The following RAB6A variants were observed in gnomAD, a reference collection of about 807,000 sequenced individuals.
The protein encoded by RAB6A is ras-related protein Rab-6A.
In RAB6A, 8 loss-of-function variants were observed where a neutral mutation model predicts 32.3. That is an observed-to-expected ratio of 0.25 (90% CI 0.15 to 0.45). RAB6A has a LOEUF of 0.45. Among genes scored for constraint, RAB6A ranks in the 20% least tolerant of loss-of-function variants. The pLI is 1.00. For synonymous variants in RAB6A, 73 were observed against 82.1 expected (o/e 0.89, Z 0.60); for missense variants, 104 against 249.4 (o/e 0.42, Z 3.93).
chr11:73,731,238 C>T (rs1946296519), intron 1 of RAB6A, among the ~76,000 whole-genome samples: 1 of 152,030 alleles, frequency 6.6e-6, no homozygotes, highest in African/African-American at 2.4e-5. Flanking sequence ...ACAAGAACTA[C>T]ACTGTTTTAA....
intron 5 of RAB6A, among the ~76,000 whole-genome samples, chr11:73,713,519 G>C (rs1432093594): frequency 2.0e-5 from 3 of 149,896 alleles, no homozygotes; most frequent in East Asian, 2.0e-4. Flanking sequence ...AGTGAGCCAA[G>C]ATTGCGCCAC....
intron 6 of RAB6A, among the ~76,000 whole-genome samples, chr11:73,687,815 C>A (rs1166886413): frequency 6.6e-6 from 1 of 152,086 alleles, no homozygotes; most frequent in East Asian, 1.9e-4. Flanking sequence ...CGAGATTTCA[C>A]CACTGCACTC....
At chr11:73,753,632 AC>A (rs1946702187) in intron 1 of RAB6A, among the ~76,000 whole-genome samples, 1 of 151,784 alleles carries the variant, frequency 6.6e-6, no homozygotes, top group Admixed American at 6.6e-5. Flanking sequence ...AATGGCATGA[AC>A]CCGGGAGGCA....
intron 1 of RAB6A, among the ~76,000 whole-genome samples, chr11:73,745,218 TA>T (rs1946568529): frequency 6.6e-6 from 1 of 152,164 alleles, no homozygotes; most frequent in Non-Finnish European, 1.5e-5. Context: ...CTACACACGA[TA>T]AAATAAGAAA....
chr11:73,701,653 G>GTT (rs1945747920), intron 6 of RAB6A, among the ~76,000 whole-genome samples: 6 of 151,586 alleles, frequency 4.0e-5, no homozygotes, highest in African/African-American at 1.5e-4. Flanking sequence ...TTTCTTTCGT[G>GTT]TTTTTTGTTT....
chr11:73,686,469 G>A (rs981562208), intron 6 of RAB6A, among the ~76,000 whole-genome samples: 10 of 152,054 alleles, frequency 6.6e-5, no homozygotes, highest in Admixed American at 5.2e-4. Context: ...TAGTAAAATC[G>A]CTTGAACCCG....
chr11:73,723,231 C>T (rs1459010300), intron 2 of RAB6A, among the ~76,000 whole-genome samples: 1 of 152,108 alleles, frequency 6.6e-6, no homozygotes, highest in Non-Finnish European at 1.5e-5. Context: ...TCATGTACAC[C>T]TGTCCACATT....
chr11:73,739,259 TAA>T (rs1946450188), intron 1 of RAB6A, among the ~76,000 whole-genome samples: 1 of 8,930 alleles, frequency 1.1e-4, no homozygotes, highest in African/African-American at 5.0e-4. Context: ...ATAGTAATAA[TAA>T]TTAAAAAAAA....
At chr11:73,687,015 T>C (rs911516658) in intron 6 of RAB6A, among the ~76,000 whole-genome samples, 1 of 151,910 alleles carries the variant, frequency 6.6e-6, no homozygotes, top group Non-Finnish European at 1.5e-5. Flanking sequence ...TTATACATAG[T>C]ATATCCATAA....
At chr11:73,694,759 AT>A (rs1945630048) in intron 6 of RAB6A, among the ~76,000 whole-genome samples, 2 of 152,228 alleles carry the variant, frequency 1.3e-5, no homozygotes, top group African/African-American at 4.8e-5. Flanking sequence ...CATGCCTATA[AT>A]TCCAGCACTC....
At chr11:73,744,510 CCAAAAAAAAAAAAAA>C (rs1261854697) in intron 1 of RAB6A, among the ~76,000 whole-genome samples, 1 of 19,846 alleles carries the variant, frequency 5.0e-5, no homozygotes, top group African/African-American at 2.6e-4. Context: ...GACCCTGTCT[CCAAAAAAAAAAAAAA>C]AAAAAAAAAA....
chr11:73,754,435 T>A (rs1304429607), intron 1 of RAB6A, among the ~76,000 whole-genome samples: 1 of 152,236 alleles, frequency 6.6e-6, no homozygotes, highest in Non-Finnish European at 1.5e-5. Flanking sequence ...CTTACTCTCT[T>A]GAAATGTATT....
chr11:73,722,056 G>GTGTGTGTGTATATAT (rs1555061901), intron 2 of RAB6A, among the ~76,000 whole-genome samples: 10 of 150,902 alleles, frequency 6.6e-5, no homozygotes, highest in South Asian at 2.1e-4. Context: ...CTTCTGCCAT[G>GTGTGTGTGTATATAT]ATTGTAAGTT....
At chr11:73,679,959 G>A (rs557302772) in intron 6 of RAB6A, among the ~76,000 whole-genome samples, 56 of 152,196 alleles carry the variant, frequency 3.7e-4, no homozygotes, top group African/African-American at 1.2e-3. Flanking sequence ...TTAGCCAGGC[G>A]TGGTGGCACA....
intron 6 of RAB6A, among the ~76,000 whole-genome samples, chr11:73,684,168 G>GT (rs35035887): frequency 0.67 from 97,389 of 144,286 alleles, 33,029 homozygotes; most frequent in Admixed American, 0.74. Context: ...ATACATTGTT[G>GT]TTTTTTTTTT....
At chr11:73,703,821 G>A (rs1202172923) in intron 6 of RAB6A, among the ~76,000 whole-genome samples, 1 of 152,132 alleles carries the variant, frequency 6.6e-6, no homozygotes, top group Non-Finnish European at 1.5e-5. Flanking sequence ...TGTATACCCA[G>A]CACTTTGGGA....
At chr11:73,756,212 G>T (rs967920873) in intron 1 of RAB6A, among the ~76,000 whole-genome samples, 1 of 152,060 alleles carries the variant, frequency 6.6e-6, no homozygotes, top group African/African-American at 2.4e-5. Flanking sequence ...AAATTAGCCA[G>T]GCGTGGTGGT....
At chr11:73,735,268 TAATTC>T (rs1416342704) in intron 1 of RAB6A, among the ~76,000 whole-genome samples, 1 of 152,226 alleles carries the variant, frequency 6.6e-6, no homozygotes, top group Non-Finnish European at 1.5e-5. Context: ...GTATAAATTC[TAATTC>T]AAATGATAGG....
chr11:73,760,730 G>C lies in RAB6A; in HGVS notation c.-95C>G, dbSNP rs1323751976. ...GACGAAAAAGGCGAGCGGAAGGGCG[G>C]GCACCGAGCTCTCTCGGCCCCTGCA... On this transcript the variant is annotated 5_prime_UTR_variant, in exon 1 of 8. Coordinates refer to ENST00000336083, the MANE Select transcript of RAB6A (RefSeq NM_198896.2). 12 of 1,521,940 alleles carry C rather than the reference G, an allele frequency of 7.9e-6. No individual in the cohort carries two copies. Among genetic ancestry groups the C allele is most frequent in the Non-Finnish European group, 1.1e-5 (12 of 1,124,930 alleles). The allele number at this position is 1,521,940 out of a possible 1,614,324, so 94.3% of individuals were successfully genotyped here.
Sources: gnomAD v4.1 joint callset for allele counts (sites outside exome capture counted in the v4.1 genomes callset) on GRCh38, gnomAD v4.1.1 for gene constraint, MANE v1.5 for transcripts, NCBI Gene and HGNC (gene_info 2026-07-23, HGNC 2026-07-21) for gene names.